Variants in PLXDC2 observed in about 807,000 individuals in gnomAD.
PLXDC2 encodes plexin domain-containing protein 2.
In PLXDC2, 40 loss-of-function variants were observed where a neutral mutation model predicts 68.9. That is an observed-to-expected ratio of 0.58 (90% CI 0.45 to 0.76). The LOEUF is 0.76. Among genes scored for constraint, PLXDC2 ranks in the 30% least tolerant of loss-of-function variants. The pLI, the probability that PLXDC2 is intolerant of heterozygous loss-of-function variation, is 0.00. For missense variants in PLXDC2, 644 were observed against 661.9 expected (o/e 0.97, Z 0.30); for synonymous variants, 243 against 234.2 (o/e 1.04, Z -0.34).
At position 19,889,236 on chromosome 10, in the gene PLXDC2, A is replaced by T. The variant is rs529177586; in HGVS notation, c.112+72045A>T. ...TATATATATAAAATTATTTTTCTTCAAATTCATATGACAAGCTCTGTCTCT... is the reference window on the plus strand; with the variant it reads ...TATATATATAAAATTATTTTTCTTCTAATTCATATGACAAGCTCTGTCTCT... On this transcript the variant is annotated intron_variant, in intron 1 of 13. Coordinates refer to ENST00000377252, the MANE Select transcript of PLXDC2 (RefSeq NM_032812.9). Among the ~76,000 whole-genome samples, 227 of 151,958 alleles carry T rather than the reference A, an allele frequency of 1.5e-3. 1 individual carries two copies. The highest frequency in any genetic ancestry group is 5.2e-3 in the African/African-American group (216 of 41,424).
chr10:20,228,554 C>CAA (rs1255679707), intron 12 of PLXDC2, among the ~76,000 whole-genome samples: 2 of 131,282 alleles, frequency 1.5e-5, no homozygotes, highest in African/African-American at 5.7e-5. Context: ...AGTGAGTCTT[C>CAA]AAAAAAAAAT....
chr10:19,911,530 C>T (rs960191813), intron 1 of PLXDC2, among the ~76,000 whole-genome samples: 1 of 152,112 alleles, frequency 6.6e-6, no homozygotes, highest in Non-Finnish European at 1.5e-5. Flanking sequence ...TTCAGTAGAG[C>T]CTTTGTCAAA....
chr10:20,126,366 AATAC>A (rs1370474461), intron 4 of PLXDC2, among the ~76,000 whole-genome samples: 3 of 146,944 alleles, frequency 2.0e-5, no homozygotes, highest in Non-Finnish European at 3.0e-5. Context: ...TGTGTTATAT[AATAC>A]ATATATACAT....
chr10:20,279,917 CAAGCTCT>C lies in PLXDC2; in HGVS notation c.*104_*110del. ...ACAAACAAACAAACACACACACAAACAAGCTCTAAGCTGCTGTAGCCTGAAGAAGACA... is the reference window on the plus strand; with the variant it reads ...ACAAACAAACAAACACACACACAAACAAGCTGCTGTAGCCTGAAGAAGACA... On this transcript the variant is annotated 3_prime_UTR_variant, in exon 14 of 14. Transcript: ENST00000377252. The C allele has an allele frequency of 1.1e-6, 1 of 891,226 alleles. No individual in the cohort carries two copies. Among genetic ancestry groups the C allele is most frequent in the Admixed American group, 1.9e-5 (1 of 52,370 alleles). 55.2% of individuals were successfully genotyped at this position (891,226 alleles called of 1,614,324 possible). A position where few individuals can be genotyped will look rare whatever the true frequency, so the allele number is the denominator to read the frequency against.
At chr10:19,821,970 A>G (rs900867536) in intron 1 of PLXDC2, among the ~76,000 whole-genome samples, 1 of 152,126 alleles carries the variant, frequency 6.6e-6, no homozygotes, top group African/African-American at 2.4e-5. Flanking sequence ...GCTGTGCAAC[A>G]TGATGCTTGT....
Position 20,281,955 on chromosome 10 carries a change from T to C in PLXDC2, c.*2136T>C, listed in dbSNP as rs1825189119. The stretch of plus-strand genomic sequence containing the variant: ...AAATCTTGCATGTGTATTCTTAGTT[T>C]GTGTCCCTTAAGTACTACTTAATTC... On this transcript the variant is annotated 3_prime_UTR_variant, in exon 14 of 14. Transcript: ENST00000377252. 6.6e-6 allele frequency: 1 copy of C among 152,178 alleles called. No homozygotes were observed. The highest frequency in any genetic ancestry group is 2.1e-4 in the South Asian group (1 of 4,828). The allele number at this position is 152,178 out of a possible 1,614,324, so 9.4% of individuals were successfully genotyped here.
intron 4 of PLXDC2, among the ~76,000 whole-genome samples, chr10:20,116,810 T>C (rs1185616260): frequency 6.6e-6 from 1 of 152,198 alleles, no homozygotes; most frequent in Non-Finnish European, 1.5e-5. Context: ...CAAAAATTTT[T>C]TTGATAGTTG....
intron 1 of PLXDC2, among the ~76,000 whole-genome samples, chr10:19,949,905 G>A (rs1833965504): frequency 1.3e-5 from 2 of 152,188 alleles, no homozygotes; most frequent in South Asian, 4.1e-4. Flanking sequence ...ATGATAGGCA[G>A]ATACATTATT....
At chr10:20,254,026 T>G (rs1474691792) in intron 13 of PLXDC2, among the ~76,000 whole-genome samples, 1 of 152,196 alleles carries the variant, frequency 6.6e-6, no homozygotes, top group African/African-American at 2.4e-5. Flanking sequence ...TGAAACAATT[T>G]GTTTGGATCC....
intron 13 of PLXDC2, among the ~76,000 whole-genome samples, chr10:20,250,657 T>C (rs1835664297): frequency 6.6e-6 from 1 of 152,230 alleles, no homozygotes; most frequent in Non-Finnish European, 1.5e-5. Context: ...GCTGCCTCTG[T>C]ATGTATAAAG....
At chr10:20,136,908 G>C (rs533653637) in intron 4 of PLXDC2, among the ~76,000 whole-genome samples, 1 of 152,266 alleles carries the variant, frequency 6.6e-6, no homozygotes, top group South Asian at 2.1e-4. Context: ...TTATTACTGT[G>C]ACACTTCCAA....
At chr10:19,994,488 C>A (rs1168529039) in intron 1 of PLXDC2, among the ~76,000 whole-genome samples, 1 of 150,786 alleles carries the variant, frequency 6.6e-6, no homozygotes, top group African/African-American at 2.4e-5. Context: ...ACCACCATAC[C>A]CAAATGTTTC....
chr10:19,906,169 C>T (rs1294496350), intron 1 of PLXDC2, among the ~76,000 whole-genome samples: 2 of 151,778 alleles, frequency 1.3e-5, no homozygotes, highest in Non-Finnish European at 2.9e-5. Context: ...TATGTGTTCA[C>T]GTGTGTGTGT....
intron 1 of PLXDC2, among the ~76,000 whole-genome samples, chr10:19,819,044 A>G (rs1012474620): frequency 2.0e-5 from 3 of 149,872 alleles, no homozygotes; most frequent in Non-Finnish European, 4.5e-5. Flanking sequence ...ACACACACAC[A>G]CACACACACA....
chr10:20,107,893 CAAAT>C (rs1248990263), intron 4 of PLXDC2, among the ~76,000 whole-genome samples: 4 of 151,958 alleles, frequency 2.6e-5, no homozygotes, highest in African/African-American at 7.2e-5. Flanking sequence ...GAAAAATTAA[CAAAT>C]AAACCTAGAA....
chr10:19,948,559 A>G (rs1207582744), intron 1 of PLXDC2, among the ~76,000 whole-genome samples: 2 of 152,002 alleles, frequency 1.3e-5, no homozygotes, highest in Admixed American at 6.6e-5. Flanking sequence ...TTATTGTTTC[A>G]ATGGAAAACT....
At chr10:20,030,680 T>C (rs73603689) in intron 2 of PLXDC2, among the ~76,000 whole-genome samples, 12,905 of 152,150 alleles carry the variant, frequency 0.085, 1,130 homozygotes, top group African/African-American at 0.22. Context: ...TAGATACAGC[T>C]GAGCCCTGAC....
At chr10:20,026,477 T>G (rs1313330624) in intron 2 of PLXDC2, among the ~76,000 whole-genome samples, 1 of 152,190 alleles carries the variant, frequency 6.6e-6, no homozygotes, top group African/African-American at 2.4e-5. Context: ...AAAAAATAAG[T>G]GAAGTGGTAT....
chr10:19,937,576 A>ATG (rs1179448491), intron 1 of PLXDC2, among the ~76,000 whole-genome samples: 3 of 123,584 alleles, frequency 2.4e-5, no homozygotes, highest in Non-Finnish European at 3.4e-5. Flanking sequence ...ATATATATAT[A>ATG]TATATATTTG....
Sources: gnomAD v4.1 joint callset for allele counts (sites outside exome capture counted in the v4.1 genomes callset) on GRCh38, gnomAD v4.1.1 for gene constraint, MANE v1.5 for transcripts, NCBI Gene and HGNC (gene_info 2026-07-23, HGNC 2026-07-21) for gene names.